NRXN3: variants seen among roughly 807,000 people sequenced by gnomAD.
The protein encoded by NRXN3 is neurexin III.
Under a neutral mutation model 137.6 loss-of-function variants are expected in NRXN3, and 32 were observed. The ratio of observed to expected loss-of-function variants is 0.23; its 90% CI spans 0.18 to 0.31. NRXN3 has a LOEUF of 0.31. NRXN3 is among the 10% of genes least tolerant of loss of function. NRXN3 has a pLI of 1.00. For missense variants in NRXN3, 1,574 were observed against 2,062.5 expected, an observed-to-expected ratio of 0.76 and a Z score of 4.59; for synonymous variants, 798 against 784.5, an observed-to-expected ratio of 1.02 and a Z score of -0.29.
chr14:79,814,285 C>A lies in NRXN3; in HGVS notation c.4093+9095C>A, dbSNP rs576298799. On this transcript the variant is annotated intron_variant, in intron 20 of 20. Coordinates refer to ENST00000335750, the MANE Select transcript of NRXN3 (RefSeq NM_001330195.2). ...TGTGTCTCTTGTTTGGCACATCTGT[C>A]TTGCCATCTTGTCTTGTCCACTGTC... Among the ~76,000 whole-genome samples the A allele has an allele frequency of 1.9e-4, 29 of 152,332 alleles. 1 individual carries two copies. In the South Asian group the frequency reaches 5.8e-3, roughly 30 times the overall value.
At chr14:78,597,931 C>T (rs2097171164) in intron 4 of NRXN3, among the ~76,000 whole-genome samples, 2 of 152,152 alleles carry the variant, frequency 1.3e-5, no homozygotes, top group African/African-American at 4.8e-5. Flanking sequence ...GGGTGGGTTA[C>T]AGCTGCCAGC....
intron 15 of NRXN3, chr14:79,201,333 ATTC>A (rs2065974284): frequency 1.3e-5 from 2 of 152,182 alleles, no homozygotes; most frequent in African/African-American, 2.4e-5. Context: ...TACCAACTCA[ATTC>A]ATATTTGCAT....
intron 15 of NRXN3, among the ~76,000 whole-genome samples, chr14:79,044,288 T>TTA (rs1372363632): frequency 6.6e-6 from 1 of 152,194 alleles, no homozygotes; most frequent in African/African-American, 2.4e-5. Flanking sequence ...GAGGCAGTAG[T>TTA]TATATGCACA....
intron 4 of NRXN3, among the ~76,000 whole-genome samples, chr14:78,404,511 C>T (rs1232437262): frequency 1.3e-5 from 2 of 151,976 alleles, no homozygotes; most frequent in Admixed American, 6.6e-5. Flanking sequence ...AGGGAATGTC[C>T]AAGGAAAGGT....
At chr14:79,280,745 A>G (rs1376583811) in intron 15 of NRXN3, 1 of 573,716 alleles carries the variant, frequency 1.7e-6, no homozygotes, top group Non-Finnish European at 3.1e-6. Flanking sequence ...AACCATCTCC[A>G]CTTTTCTCTA....
At chr14:79,130,463 T>C (rs1372370139) in intron 15 of NRXN3, among the ~76,000 whole-genome samples, 1 of 152,050 alleles carries the variant, frequency 6.6e-6, no homozygotes, top group Non-Finnish European at 1.5e-5. Flanking sequence ...GATATGAAAT[T>C]CTGGGTTGAA....
chr14:78,855,428 C>T (rs1399968835), intron 10 of NRXN3, among the ~76,000 whole-genome samples: 1 of 152,122 alleles, frequency 6.6e-6, no homozygotes, highest in Non-Finnish European at 1.5e-5. Flanking sequence ...CATGTGGACA[C>T]TTTACAGCTT....
intron 15 of NRXN3, among the ~76,000 whole-genome samples, chr14:79,437,702 TTTGAGCATG>T (rs1334668536): frequency 6.6e-6 from 1 of 152,126 alleles, no homozygotes; most frequent in East Asian, 1.9e-4. Context: ...TCTGGGGTGA[TTTGAGCATG>T]TGTAGCTTTT....
chr14:78,699,811 G>A (rs1012084213), intron 6 of NRXN3, among the ~76,000 whole-genome samples: 2 of 152,162 alleles, frequency 1.3e-5, no homozygotes, highest in Admixed American at 6.5e-5. Flanking sequence ...TCTCTGGGTA[G>A]GTTTGTTTAG....
In NRXN3 at chr14:79,120,595, A is replaced by G. The variant is rs1321273748; in HGVS notation, c.3262+132454A>G. ...GTGTGAGAATATATTCACCATGTGTACATATATGCCCCTAAACAAAAGCCT... is the reference window on the plus strand; with the variant it reads ...GTGTGAGAATATATTCACCATGTGTGCATATATGCCCCTAAACAAAAGCCT... On this transcript the variant is annotated intron_variant, in intron 15 of 20. Coordinates refer to ENST00000335750, the MANE Select transcript of NRXN3 (RefSeq NM_001330195.2). 5.3e-5 allele frequency among the ~76,000 whole-genome samples: 8 copies of G among 152,266 alleles called. No individual in the cohort carries two copies. In the East Asian group the frequency reaches 1.5e-3, roughly 29 times the overall value.
chr14:79,590,416 T>TAAAAAAAAAAAAA lies in NRXN3; in HGVS notation c.3445-73352_3445-73340dup, dbSNP rs11419735. ...TCCATTAAACCTTTCTTTCTTTTGT[T>TAAAAAAAAAAAAA]AAAAAAAAAAAAAAAAAAAAAAGAT... On this transcript the variant is annotated intron_variant, in intron 16 of 20. Transcript: ENST00000335750. Among the ~76,000 whole-genome samples, 12 of 92,272 alleles carry TAAAAAAAAAAAAA rather than the reference T, an allele frequency of 1.3e-4. 2 individuals are homozygous for TAAAAAAAAAAAAA. The highest frequency in any genetic ancestry group is 4.5e-4 in the African/African-American group (8 of 17,746). 60.5% of individuals were successfully genotyped at this position (92,272 alleles called of 152,430 possible).
intron 8 of NRXN3, among the ~76,000 whole-genome samples, chr14:78,727,675 T>C (rs1032549163): frequency 2.2e-4 from 33 of 152,042 alleles, no homozygotes; most frequent in African/African-American, 7.5e-4. Flanking sequence ...GCAGAGGTTG[T>C]GGTGAGCCAA....
At chr14:79,064,735 ATATG>A (rs200688582) in intron 15 of NRXN3, among the ~76,000 whole-genome samples, 15,283 of 71,126 alleles carry the variant, frequency 0.21, 897 homozygotes, top group Middle Eastern at 0.32. Flanking sequence ...ATATATATGT[ATATG>A]TATATATATA....
At chr14:78,324,492 T>C (rs181292051) in intron 4 of NRXN3, among the ~76,000 whole-genome samples, 28 of 152,236 alleles carry the variant, frequency 1.8e-4, no homozygotes, top group African/African-American at 6.3e-4. Flanking sequence ...TAATTGCCAG[T>C]CATTGCCCTT....
intron 15 of NRXN3, among the ~76,000 whole-genome samples, chr14:79,105,027 A>G (rs762074061): frequency 6.6e-5 from 10 of 152,246 alleles, no homozygotes; most frequent in African/African-American, 1.4e-4. Context: ...ATACACTGAG[A>G]CTGAAATAGC....
intron 15 of NRXN3, among the ~76,000 whole-genome samples, chr14:79,440,608 CTG>C (rs2095920769): frequency 6.6e-6 from 1 of 152,074 alleles, no homozygotes; most frequent in Non-Finnish European, 1.5e-5. Flanking sequence ...GTATAAATCT[CTG>C]TAACTCTAGA....
intron 10 of NRXN3, among the ~76,000 whole-genome samples, chr14:78,883,928 T>C (rs1335137555): frequency 6.6e-6 from 1 of 152,216 alleles, no homozygotes; most frequent in Non-Finnish European, 1.5e-5. Flanking sequence ...GATAGATTAG[T>C]TCTTTAAATT....
chr14:79,365,736 A>AAAAAAAAAAAAAAAAAAAAAAAC (rs2093862920), intron 15 of NRXN3, among the ~76,000 whole-genome samples: 2 of 145,594 alleles, frequency 1.4e-5, no homozygotes, highest in Non-Finnish European at 3.0e-5. Context: ...AAAAAAAAAA[A>AAAAAAAAAAAAAAAAAAAAAAAC]AAAAAAAAGA....
At chr14:78,957,519 C>T (rs1355214509) in intron 11 of NRXN3, among the ~76,000 whole-genome samples, 158 bp downstream of exon 11, 15 of 152,202 alleles carry the variant, frequency 9.9e-5, no homozygotes, top group Non-Finnish European at 1.5e-5. Context: ...GAAGGTCTTC[C>T]TCTGTATTTT....
Sources: gnomAD v4.1 joint callset for allele counts (sites outside exome capture counted in the v4.1 genomes callset) on GRCh38, gnomAD v4.1.1 for gene constraint, MANE v1.5 for transcripts, NCBI Gene and HGNC (gene_info 2026-07-23, HGNC 2026-07-21) for gene names.